SPECC1: variants seen among roughly 807,000 people sequenced by gnomAD.
SPECC1 encodes sperm antigen with calponin homology and coiled-coil domains 1.
Under a neutral mutation model 104.1 loss-of-function variants are expected in SPECC1, and 62 were observed. That is an observed-to-expected ratio of 0.60 (90% CI 0.49 to 0.74). The LOEUF is 0.74. Among genes scored for constraint, SPECC1 ranks in the 30% least tolerant of loss-of-function variants. The pLI is 0.00. For synonymous variants in SPECC1, 513 were observed against 501.6 expected, an observed-to-expected ratio of 1.02 and a Z score of -0.30; for missense variants, 1,306 against 1,310.5, an observed-to-expected ratio of 1.00 and a Z score of 0.05.
chr17:20,011,496 CT>C (rs975682161), intron 1 of SPECC1, among the ~76,000 whole-genome samples: 90 of 151,736 alleles, frequency 5.9e-4, no homozygotes, highest in African/African-American at 2.2e-3. Context: ...TGATACAGTA[CT>C]TTTTTTGGTA....
rs1294271897 is a variant in SPECC1, at chr17:20,104,761, A to G, written c.148-5666A>G. 3.8e-4 allele frequency among the ~76,000 whole-genome samples: 57 copies of G among 150,000 alleles called. 1 individual carries two copies. Among genetic ancestry groups the G allele is most frequent in the East Asian group, 1.4e-3 (7 of 5,148 alleles). On this transcript the variant is annotated intron_variant, in intron 2 of 14. Coordinates refer to ENST00000395527, the MANE Select transcript of SPECC1 (RefSeq NM_001243439.2). ...GTCTCAAAAAAAAAAAAAAAAAAAAAAAAAAGAAAAAAAAATTCTCTTTTG... is the reference window on the plus strand; with the variant it reads ...GTCTCAAAAAAAAAAAAAAAAAAAAGAAAAAGAAAAAAAAATTCTCTTTTG...
At chr17:20,198,157 T>G (rs899180009) in intron 3 of SPECC1, among the ~76,000 whole-genome samples, 1 of 152,170 alleles carries the variant, frequency 6.6e-6, no homozygotes, top group Non-Finnish European at 1.5e-5. Context: ...TGATAAGACA[T>G]AGACATTAGC....
intron 1 of SPECC1, among the ~76,000 whole-genome samples, chr17:20,026,754 A>G (rs923954799): frequency 1.3e-5 from 2 of 152,292 alleles, no homozygotes; most frequent in Middle Eastern, 3.4e-3. Context: ...ATGAGAGTGC[A>G]TATATTTCTT....
chr17:20,287,423 C>CAAAAAAAAAAAAAAAAA (rs61713120), intron 12 of SPECC1, among the ~76,000 whole-genome samples: 1 of 98,044 alleles, frequency 1.0e-5, no homozygotes, highest in African/African-American at 4.2e-5. Flanking sequence ...GACTCCGTCT[C>CAAAAAAAAAAAAAAAAA]AAAAAAAAAA....
chr17:20,278,039 C>G (rs577474622), intron 12 of SPECC1, among the ~76,000 whole-genome samples: 7 of 152,274 alleles, frequency 4.6e-5, no homozygotes, highest in African/African-American at 1.7e-4. Context: ...GGCTTGAAAA[C>G]CCTTAACGAC....
rs902848086 is a variant in SPECC1 at position 20,261,970 on chromosome 17, A to G, written c.2940+1676A>G. ...CTCCCTAAGATAACCATTGTCCTCAATTCTCCTTCCAGATTTTTACAAAAG... is the reference window on the plus strand; with the variant it reads ...CTCCCTAAGATAACCATTGTCCTCAGTTCTCCTTCCAGATTTTTACAAAAG... On this transcript the variant is annotated intron_variant, in intron 12 of 14. Coordinates refer to ENST00000395527, the MANE Select transcript of SPECC1 (RefSeq NM_001243439.2). Among the ~76,000 whole-genome samples the G allele has an allele frequency of 7.9e-5, 12 of 152,312 alleles. 1 individual carries two copies. The East Asian group carries it at 2.3e-3, about 29-fold the overall frequency.
chr17:20,189,592 A>C (rs569785963), intron 3 of SPECC1, among the ~76,000 whole-genome samples: 3 of 152,006 alleles, frequency 2.0e-5, no homozygotes, highest in Admixed American at 2.0e-4. Flanking sequence ...CTGCTGCCCT[A>C]TCTCCCCTGC....
At chr17:20,154,470 C>T (rs1210614375) in intron 3 of SPECC1, among the ~76,000 whole-genome samples, 1 of 152,170 alleles carries the variant, frequency 6.6e-6, no homozygotes, top group Admixed American at 6.5e-5. Flanking sequence ...GAGATGGGAA[C>T]ATGCCCCGCT....
In SPECC1 at chr17:20,316,330, G is replaced by A. The variant is rs1021063930; in HGVS notation, c.*2265G>A. On this transcript the variant is annotated 3_prime_UTR_variant, in exon 15 of 15. Coordinates refer to ENST00000395527, the MANE Select transcript of SPECC1 (RefSeq NM_001243439.2). ...TTGCTGTCTTGGGATACCCGGAGTG[G>A]GAGTGGGTGTTTTCTGTGATTGGTT... is the stretch of plus-strand genomic sequence containing the variant. 7 of 229,888 alleles carry A rather than the reference G, an allele frequency of 3.0e-5. No individual in the cohort carries two copies. Among genetic ancestry groups the A allele is most frequent in the African/African-American group, 1.6e-4 (7 of 45,062 alleles). 14.2% of individuals were successfully genotyped at this position (229,888 alleles called of 1,614,324 possible).
In SPECC1 at chr17:20,169,717, G is replaced by C. The variant is rs1470029933; in HGVS notation, c.284-34616G>C. ...AGGGGCTTGCTCTGTTGTTCAGGCT[G>C]GTCTCGAACTCCTGGCCTCAAGGGA... On this transcript the variant is annotated intron_variant, in intron 3 of 14. Transcript: ENST00000395527. 2.6e-5 allele frequency among the ~76,000 whole-genome samples: 4 copies of C among 152,146 alleles called. No individual in the cohort carries two copies. In the East Asian group the frequency reaches 7.7e-4, roughly 29 times the overall value.
chr17:20,165,890 T>G (rs1036922542), intron 3 of SPECC1, among the ~76,000 whole-genome samples: 2 of 147,466 alleles, frequency 1.4e-5, no homozygotes, highest in Non-Finnish European at 3.0e-5. Flanking sequence ...TTTTAATGGG[T>G]TTTTTTTTTC....
intron 1 of SPECC1, among the ~76,000 whole-genome samples, chr17:20,045,136 A>G (rs980744086): frequency 2.0e-5 from 3 of 152,156 alleles, no homozygotes; most frequent in African/African-American, 7.2e-5. Flanking sequence ...GTTCTTTCAG[A>G]TGTTTTCTGT....
At chr17:20,059,492 G>T (rs1434297361) in intron 1 of SPECC1, among the ~76,000 whole-genome samples, 2 of 152,132 alleles carry the variant, frequency 1.3e-5, no homozygotes, top group African/African-American at 4.8e-5. Flanking sequence ...TGGGGGTTGG[G>T]GACCCCTGAT....
intron 10 of SPECC1, 45 bp from the exon 11 acceptor site, chr17:20,257,406 G>A (rs772947919): frequency 1.3e-6 from 2 of 1,532,988 alleles, no homozygotes; most frequent in Non-Finnish European, 1.7e-6. Flanking sequence ...TGGCAGTCAA[G>A]AGCTGCTTCT....
At position 20,170,662 on chromosome 17, in the gene SPECC1, A is replaced by G. The variant is rs146392869; in HGVS notation, c.284-33671A>G. Among the ~76,000 whole-genome samples, 553 of 152,224 alleles carry G rather than the reference A, an allele frequency of 3.6e-3. 1 individual carries two copies. Among genetic ancestry groups the G allele is most frequent in the African/African-American group, 0.013 (535 of 41,528 alleles). The stretch of plus-strand genomic sequence containing the variant: ...TTGTAAATACTCTTTTACCAATATC[A>G]TTCTTTCTCTGTTATTTTTCCTTTT... On this transcript the variant is annotated intron_variant, in intron 3 of 14. Coordinates refer to ENST00000395527, the MANE Select transcript of SPECC1 (RefSeq NM_001243439.2).
intron 7 of SPECC1, among the ~76,000 whole-genome samples, chr17:20,233,243 A>G (rs184632035): frequency 1.0e-3 from 156 of 152,298 alleles, no homozygotes; most frequent in Admixed American, 2.4e-3. Context: ...TTTTAGATCA[A>G]ATTTCCTGGG....
chr17:20,294,892 T>C (rs903162526), intron 12 of SPECC1, among the ~76,000 whole-genome samples: 7 of 152,168 alleles, frequency 4.6e-5, no homozygotes, highest in Admixed American at 1.3e-4. Flanking sequence ...TCAATACTAT[T>C]CTGTGAATGG....
At chr17:20,097,946 C>A (rs2047732137) in intron 2 of SPECC1, among the ~76,000 whole-genome samples, 1 of 152,124 alleles carries the variant, frequency 6.6e-6, no homozygotes, top group Admixed American at 6.5e-5. Context: ...ATGGTGACAA[C>A]CAAAAATGTG....
chr17:20,116,315 C>G (rs2048753476), intron 3 of SPECC1, among the ~76,000 whole-genome samples: 1 of 152,064 alleles, frequency 6.6e-6, no homozygotes, highest in Non-Finnish European at 1.5e-5. Flanking sequence ...GTCTCGATCT[C>G]CTGACCTCGT....
Sources: gnomAD v4.1 joint callset for allele counts (sites outside exome capture counted in the v4.1 genomes callset) on GRCh38, gnomAD v4.1.1 for gene constraint, MANE v1.5 for transcripts, NCBI Gene and HGNC (gene_info 2026-07-23, HGNC 2026-07-21) for gene names.